Variants in PLAG1 observed in about 807,000 individuals in gnomAD.
PLAG1 encodes PLAG1 zinc finger.
In PLAG1, 7 loss-of-function variants were observed where a neutral mutation model predicts 35.5. That is an observed-to-expected ratio of 0.20 (90% CI 0.11 to 0.37). PLAG1 has a LOEUF of 0.37. Among genes scored for constraint, PLAG1 ranks in the 10% least tolerant of loss-of-function variants. The probability of loss-of-function intolerance (pLI) is 1.00; values close to 1 mark genes in which losing one functional copy is unlikely to be tolerated. For missense variants in PLAG1, 454 were observed against 602.8 expected (o/e 0.75, Z 2.58); for synonymous variants, 229 against 225.4 (o/e 1.02, Z -0.14).
At chr8:56,208,826 C>T (rs1447791177) in intron 1 of PLAG1, among the ~76,000 whole-genome samples, 1 of 152,148 alleles carries the variant, frequency 6.6e-6, no homozygotes, top group Non-Finnish European at 1.5e-5. Context: ...TAAACACTTT[C>T]TGTTAAATAA....
intron 1 of PLAG1, among the ~76,000 whole-genome samples, chr8:56,210,413 C>T (rs893915309): frequency 6.6e-6 from 1 of 151,932 alleles, no homozygotes; most frequent in African/African-American, 2.4e-5. Context: ...CCCTACCCCC[C>T]CTCGCAGCCA....
In PLAG1 at chr8:56,166,636, T is replaced by A. The variant is rs945658610; in HGVS notation, c.1110A>T (p.Ser370=). 1 of 1,613,960 alleles carries A rather than the reference T, an allele frequency of 6.2e-7. No homozygotes were observed. The change falls in exon 5 of 5, where the codon TCA becomes TCT. Residue 370 remains serine (S), a synonymous_variant. Transcript: ENST00000316981. ...LMELQGGVPS[S]SQDSQASSSS... is the part of the protein sequence containing the mutation. ...ATGACGATGCTTGAGAATCTTGGGA[T>A]GAAGAGGGCACGCCACCTTGTAACT... is the stretch of plus-strand genomic sequence containing the variant.
At position 56,164,318 on chromosome 8, in the gene PLAG1, G is replaced by A. The variant is rs1811290925; in HGVS notation, c.*1925C>T. The A allele has an allele frequency of 4.7e-6, 1 of 214,146 alleles. No individual in the cohort carries two copies. Among genetic ancestry groups the A allele is most frequent in the Non-Finnish European group, 9.4e-6 (1 of 106,440 alleles). The allele number at this position is 214,146 out of a possible 1,614,324, so 13.3% of individuals were successfully genotyped here. On this transcript the variant is annotated 3_prime_UTR_variant, in exon 5 of 5. Transcript: ENST00000316981. ...TGATTCTATGAAGTGCGGTATGTGT[G>A]CATGTGTGTGTGTGTGTGTATTATA...
chr8:56,181,846 A>G (rs1390166247), intron 1 of PLAG1, among the ~76,000 whole-genome samples: 1 of 152,252 alleles, frequency 6.6e-6, no homozygotes, highest in East Asian at 1.9e-4. Flanking sequence ...ATAAAAAAGT[A>G]CCACAGAAGG....
intron 2 of PLAG1, among the ~76,000 whole-genome samples, chr8:56,175,850 A>G (rs1373613479): frequency 6.6e-6 from 1 of 152,200 alleles, no homozygotes; most frequent in Non-Finnish European, 1.5e-5. Flanking sequence ...CTGTACAAGC[A>G]GGATGTTCCT....
At chr8:56,175,736 A>C (rs888115907) in intron 2 of PLAG1, among the ~76,000 whole-genome samples, 1 of 152,148 alleles carries the variant, frequency 6.6e-6, no homozygotes, top group African/African-American at 2.4e-5. Flanking sequence ...GAGAAGTGAG[A>C]AGTGAGGGGA....
At position 56,180,303 on chromosome 8, in the gene PLAG1, C is replaced by T. The variant is rs548588221; in HGVS notation, c.-321-790G>A. Reference sequence around the variant, plus strand: ...ATACATGGTTACCACTCTCCTAAGACGAATATCTGACACTGATGGAATAAA... The same window carrying T: ...ATACATGGTTACCACTCTCCTAAGATGAATATCTGACACTGATGGAATAAA... On this transcript the variant is annotated intron_variant, in intron 1 of 4. Coordinates refer to ENST00000316981, the MANE Select transcript of PLAG1 (RefSeq NM_002655.3). Among the ~76,000 whole-genome samples, 152 of 152,254 alleles carry T rather than the reference C, an allele frequency of 1.0e-3. 2 individuals carry two copies. The highest frequency in any genetic ancestry group is 3.4e-3 in the Middle Eastern group (1 of 294).
Position 56,162,030 on chromosome 8 carries a change from G to C in PLAG1, c.*4213C>G, listed in dbSNP as rs1794913340. ...TCTGAGTGTGCCTTCACCAATGCTG[G>C]TTGCATGATCTTCTTTTCTATGATC... On this transcript the variant is annotated 3_prime_UTR_variant, in exon 5 of 5. Transcript: ENST00000316981. The C allele has an allele frequency of 4.4e-6, 1 of 226,742 alleles. No individual in the cohort carries two copies. Among genetic ancestry groups the C allele is most frequent in the Non-Finnish European group, 8.8e-6 (1 of 113,824 alleles). 14.0% of individuals were successfully genotyped at this position (226,742 alleles called of 1,614,324 possible).
chr8:56,170,989 A>G (rs149627668), intron 3 of PLAG1, 102 bp downstream of exon 3: 389 of 170,662 alleles, frequency 2.3e-3, no homozygotes, highest in Non-Finnish European at 3.3e-3. Flanking sequence ...TAAGGTTGTG[A>G]GCTCAAAATC....
Position 56,179,479 on chromosome 8 carries a change from T to C in PLAG1, c.-287A>G, listed in dbSNP as rs978897821. ...CCGTCACAGAATGAAGCATTCTGGG[T>C]GCCAAATACGGCCAAGGCAGCACCA... is the stretch of plus-strand genomic sequence containing the variant. On this transcript the variant is annotated 5_prime_UTR_variant, in exon 2 of 5. Coordinates refer to ENST00000316981, the MANE Select transcript of PLAG1 (RefSeq NM_002655.3). 3.1e-6 allele frequency: 3 copies of C among 979,322 alleles called. No individual in the cohort carries two copies. Among genetic ancestry groups the C allele is most frequent in the Non-Finnish European group, 3.6e-6 (3 of 824,008 alleles). The allele number at this position is 979,322 out of a possible 1,614,324, so 60.7% of individuals were successfully genotyped here.
chr8:56,172,570 G>T (rs940549532), intron 2 of PLAG1, among the ~76,000 whole-genome samples: 1 of 152,138 alleles, frequency 6.6e-6, no homozygotes, highest in Non-Finnish European at 1.5e-5. Context: ...GACACGTGTG[G>T]AGTGTTTTCA....
chr8:56,210,730 T>TGCTGCC (rs1173080878), intron 1 of PLAG1, among the ~76,000 whole-genome samples: 2 of 152,044 alleles, frequency 1.3e-5, no homozygotes, highest in Admixed American at 6.5e-5. Context: ...CCGCTCTCGC[T>TGCTGCC]GCTGCCGCTG....
At chr8:56,179,863 C>G (rs1331124450) in intron 1 of PLAG1, among the ~76,000 whole-genome samples, 1 of 151,932 alleles carries the variant, frequency 6.6e-6, no homozygotes, top group Non-Finnish European at 1.5e-5. Flanking sequence ...TCAGAAAAAC[C>G]TTTTGTGGTG....
intron 1 of PLAG1, among the ~76,000 whole-genome samples, chr8:56,207,963 A>G (rs1210368979): frequency 6.6e-6 from 1 of 152,116 alleles, no homozygotes; most frequent in Admixed American, 6.5e-5. Context: ...TATGAGAGGA[A>G]GAAAAAAAAT....
chr8:56,202,138 G>A (rs1404717078), intron 1 of PLAG1, among the ~76,000 whole-genome samples: 2 of 152,074 alleles, frequency 1.3e-5, no homozygotes, highest in Non-Finnish European at 1.5e-5. Context: ...AATGATGGAT[G>A]AGATAAAGTT....
At chr8:56,196,432 A>G (rs1198051075) in intron 1 of PLAG1, among the ~76,000 whole-genome samples, 1 of 152,128 alleles carries the variant, frequency 6.6e-6, no homozygotes, top group African/African-American at 2.4e-5. Context: ...CATTTTAATT[A>G]GGGTAAAGGA....
chr8:56,169,892 TA>T (rs1811468952), intron 3 of PLAG1, among the ~76,000 whole-genome samples: 1 of 152,198 alleles, frequency 6.6e-6, no homozygotes, highest in Non-Finnish European at 1.5e-5. Flanking sequence ...CAACCTCTTT[TA>T]AAACCAACTT....
chr8:56,174,347 GAAGT>G (rs1445610928), intron 2 of PLAG1, among the ~76,000 whole-genome samples: 2 of 152,196 alleles, frequency 1.3e-5, no homozygotes, highest in East Asian at 1.9e-4. Context: ...AGTCAGTTTT[GAAGT>G]AAGGGCAACA....
intron 1 of PLAG1, among the ~76,000 whole-genome samples, chr8:56,203,255 T>C (rs1812607876): frequency 6.6e-6 from 1 of 152,158 alleles, no homozygotes; most frequent in African/African-American, 2.4e-5. Context: ...AAAACAACTA[T>C]CTGAATTAAA....
Sources: allele counts gnomAD v4.1 joint callset (sites outside exome capture counted in the v4.1 genomes callset), GRCh38; gene constraint gnomAD v4.1.1; transcripts MANE v1.5; gene names NCBI Gene and HGNC (gene_info 2026-07-23, HGNC 2026-07-21).